Variants in USH2A observed in about 807,000 individuals in gnomAD.
The protein encoded by USH2A is usherin, also known as Usher syndrome 2A (autosomal recessive, mild).
In USH2A, 443 loss-of-function variants were observed where a neutral mutation model predicts 538.9. That is an observed-to-expected ratio of 0.82 (90% CI 0.76 to 0.89). The LOEUF (loss-of-function observed/expected upper bound fraction) is 0.89, where lower values mean the gene tolerates loss of function less well. Ranked by LOEUF, USH2A falls within the 40% of genes least tolerant of loss-of-function variation. USH2A has a pLI of 0.00. For synonymous variants in USH2A, 2,413 were observed against 2,273.5 expected (o/e 1.06, Z -1.75); for missense variants, 6,633 against 6,324.8 (o/e 1.05, Z -1.65).
chr1:216,015,301 G>A (rs1005612410), intron 32 of USH2A, among the ~76,000 whole-genome samples: 14 of 152,226 alleles, frequency 9.2e-5, no homozygotes, highest in Middle Eastern at 3.4e-3. Flanking sequence ...AATGAGCTGC[G>A]CCAGAATGCA....
rs1055881894 is a variant in USH2A, at chr1:215,782,030, A to C, written c.10740+12T>G. The C allele has an allele frequency of 6.2e-7, 1 of 1,613,728 alleles. No individual in the cohort carries two copies. The highest frequency in any genetic ancestry group is 8.5e-7 in the Non-Finnish European group (1 of 1,179,806). On this transcript the variant is annotated intron_variant, in intron 54 of 71. Transcript: ENST00000307340. ...AACCCCTTTTCCCAGAGTTTAGGCA[A>C]ACTCCTCTTACCTTGCTACTGGTGG...
intron 21 of USH2A, among the ~76,000 whole-genome samples, chr1:216,119,623 A>AT (rs537874627): frequency 1.0e-3 from 158 of 151,814 alleles, no homozygotes; most frequent in South Asian, 9.5e-3. Context: ...ATATAAATAT[A>AT]TTTTTTTATT....
chr1:216,294,727 T>G (rs1428736121), intron 9 of USH2A, among the ~76,000 whole-genome samples: 1 of 151,982 alleles, frequency 6.6e-6, no homozygotes, highest in Non-Finnish European at 1.5e-5. Context: ...TTTCTTGTGT[T>G]CTGCCCATAA....
intron 47 of USH2A, among the ~76,000 whole-genome samples, chr1:215,831,698 C>T (rs2364866): frequency 0.4 from 59,947 of 151,230 alleles, 12,161 homozygotes; most frequent in Admixed American, 0.52. Context: ...AGCTTCATAC[C>T]GAAGCAGGAC....
chr1:216,357,590 C>T (rs556184173), intron 4 of USH2A, among the ~76,000 whole-genome samples: 2 of 152,256 alleles, frequency 1.3e-5, no homozygotes, highest in East Asian at 3.9e-4. Flanking sequence ...TTCTTCCCTG[C>T]ATATTCACTT....
intron 3 of USH2A, among the ~76,000 whole-genome samples, chr1:216,381,710 T>A (rs1170752852): frequency 6.6e-6 from 1 of 152,322 alleles, no homozygotes; most frequent in East Asian, 1.9e-4. Flanking sequence ...ATTTACTTCA[T>A]AAATTTCTTT....
chr1:215,690,265 C>A (rs1658558813), intron 61 of USH2A, among the ~76,000 whole-genome samples: 1 of 152,148 alleles, frequency 6.6e-6, no homozygotes, highest in African/African-American at 2.4e-5. Context: ...TTCCATAGAC[C>A]TCTCCATAGG....
chr1:215,879,038 G>C lies in USH2A; in HGVS notation c.8284C>G (p.Pro2762Ala), dbSNP rs1188281491. 6.2e-7 allele frequency: 1 copy of C among 1,614,030 alleles called. No homozygotes were observed. The highest frequency in any genetic ancestry group is 8.5e-7 in the Non-Finnish European group (1 of 1,179,958). ...GDILSYEIHM[P>A]DPHITLTNVT... ...TTGGTTAAAGTGATGTGAGGGTCAG[G>C]CATGTGAATCTCATAGCTAAGTATG... The change falls in exon 42 of 72, where the codon CCT (proline) becomes GCT (alanine). Residue 2762 changes from proline to alanine, a missense_variant. Pro to Ala is a conservative substitution (Grantham distance 27). Coordinates refer to ENST00000307340, the MANE Select transcript of USH2A (RefSeq NM_206933.4).
intron 11 of USH2A, among the ~76,000 whole-genome samples, chr1:216,252,329 C>T (rs12131170): frequency 0.088 from 13,336 of 152,198 alleles, 821 homozygotes; most frequent in Non-Finnish European, 0.13. Flanking sequence ...TGACATTTTC[C>T]CCACTGATTT....
chr1:216,127,506 T>G (rs1369991557), intron 21 of USH2A, among the ~76,000 whole-genome samples: 1 of 152,230 alleles, frequency 6.6e-6, no homozygotes, highest in Non-Finnish European at 1.5e-5. Context: ...TTCTCTTCTT[T>G]ATTTGATTTG....
intron 15 of USH2A, among the ~76,000 whole-genome samples, chr1:216,212,648 G>A (rs955455567): frequency 5.3e-5 from 8 of 151,264 alleles, no homozygotes; most frequent in South Asian, 2.1e-4. Flanking sequence ...ATGTCTCCCC[G>A]TCAGGGTTAT....
At chr1:216,265,514 T>C (rs1165427700) in intron 11 of USH2A, among the ~76,000 whole-genome samples, 1 of 151,990 alleles carries the variant, frequency 6.6e-6, no homozygotes, top group African/African-American at 2.4e-5. Flanking sequence ...TCCAGACGTT[T>C]TGAAATCAGT....
At chr1:215,647,490 T>G in intron 67 of USH2A, 32 bp downstream of exon 67, 1 of 1,612,294 alleles carries the variant, frequency 6.2e-7, no homozygotes, top group Non-Finnish European at 8.5e-7. Flanking sequence ...TTCCAATCTC[T>G]CTGGCTTATG....
chr1:215,729,877 C>A (rs894539390), intron 60 of USH2A, among the ~76,000 whole-genome samples: 40 of 152,176 alleles, frequency 2.6e-4, no homozygotes, highest in African/African-American at 9.2e-4. Context: ...CTGGCCTTGG[C>A]CTTCCAAAGT....
At chr1:215,751,197 T>C (rs1660610175) in intron 58 of USH2A, among the ~76,000 whole-genome samples, 1 of 152,152 alleles carries the variant, frequency 6.6e-6, no homozygotes, top group South Asian at 2.1e-4. Flanking sequence ...CTAATGTCCA[T>C]AAATAGACCA....
intron 13 of USH2A, 125 bp downstream of exon 13, chr1:216,246,460 T>A: frequency 1.4e-5 from 17 of 1,204,648 alleles, no homozygotes; most frequent in Non-Finnish European, 1.9e-5. Flanking sequence ...GATAATGATA[T>A]AAATACAGTA....
rs777694206 is a variant in USH2A, at chr1:216,089,130, C to G, written c.4768G>C (p.Val1590Leu). Residue 1590 changes from valine to leucine, a missense_variant, in exon 23 of 72, where the codon GTG becomes CTG. By Grantham distance (32) the Val-to-Leu change is conservative. Coordinates refer to ENST00000307340, the MANE Select transcript of USH2A (RefSeq NM_206933.4). ...TGATCATTAGTTGTAGTTACTTCCA[C>G]TGGTGACCCCTTAAGGGAATGAATG... ...YFLFDPQGSPVEVTTTNDHGK... is the reference protein window; with the variant it reads ...YFLFDPQGSPLEVTTTNDHGK... 2 of 1,612,616 alleles carry G rather than the reference C, an allele frequency of 1.2e-6. No individual in the cohort carries two copies. The highest frequency in any genetic ancestry group is 1.7e-6 in the Non-Finnish European group (2 of 1,179,044).
chr1:215,784,111 C>T (rs928690358), intron 52 of USH2A, among the ~76,000 whole-genome samples: 1 of 152,010 alleles, frequency 6.6e-6, no homozygotes, highest in Admixed American at 6.6e-5. Flanking sequence ...ACCATGAGTC[C>T]CCAGTTCTCC....
In USH2A at chr1:215,888,637, G is replaced by A; in HGVS notation, c.8012C>T (p.Thr2671Ile). ...RRVKGKEEVT[T>I]LVTLPRSHSM... is the part of the protein sequence containing the mutation. ...ATGACTCCTCGGGAGAGTCACCAGG[G>A]TAGTAACTTCTTCCTTTCCTTTGAC... Residue 2671 changes from threonine to isoleucine, a missense_variant, in exon 41 of 72, where the codon ACC (threonine) becomes ATC (isoleucine). By Grantham distance (89) the Thr-to-Ile change is moderately conservative. Coordinates refer to ENST00000307340, the MANE Select transcript of USH2A (RefSeq NM_206933.4). 1 of 1,614,134 alleles carries A rather than the reference G, an allele frequency of 6.2e-7. No individual in the cohort carries two copies. The highest frequency in any genetic ancestry group is 8.5e-7 in the Non-Finnish European group (1 of 1,179,998).
Sources: allele counts gnomAD v4.1 joint callset (sites outside exome capture counted in the v4.1 genomes callset), GRCh38; gene constraint gnomAD v4.1.1; transcripts MANE v1.5; gene names NCBI Gene and HGNC (gene_info 2026-07-23, HGNC 2026-07-21).